The following CNTN5 variants were observed in gnomAD, a reference collection of about 807,000 sequenced individuals.
CNTN5 encodes contactin 5.
In CNTN5, 77 loss-of-function variants were observed where a neutral mutation model predicts 129.1. The ratio of observed to expected loss-of-function variants is 0.60; its 90% CI spans 0.50 to 0.72. The LOEUF (loss-of-function observed/expected upper bound fraction) is 0.72, where lower values mean the gene tolerates loss of function less well. Ranked by LOEUF, CNTN5 falls within the 30% of genes least tolerant of loss-of-function variation. CNTN5 has a pLI of 0.00. For synonymous variants in CNTN5, 509 were observed against 465.6 expected, an observed-to-expected ratio of 1.09 and a Z score of -1.20; for missense variants, 1,478 against 1,328.8, an observed-to-expected ratio of 1.11 and a Z score of -1.75.
At position 99,279,990 on chromosome 11, in the gene CNTN5, C is replaced by A. The variant is rs188996854; in HGVS notation, c.-209-45356C>A. Among the ~76,000 whole-genome samples the A allele has an allele frequency of 3.6e-3, 535 of 150,202 alleles. 2 individuals carry two copies. The highest frequency in any genetic ancestry group is 6.3e-3 in the Non-Finnish European group (424 of 67,506). The stretch of plus-strand genomic sequence containing the variant: ...GCATAATATATCTGTTCTTTACAAT[C>A]GACTCAGAAAAAGAAAAAAAATCAG... On this transcript the variant is annotated intron_variant, in intron 1 of 24. Transcript: ENST00000524871.
chr11:99,260,369 T>G (rs989827398), intron 1 of CNTN5, among the ~76,000 whole-genome samples: 1 of 151,772 alleles, frequency 6.6e-6, no homozygotes, highest in Non-Finnish European at 1.5e-5. Flanking sequence ...TCATTAAAGA[T>G]TTAGAACTTT....
At chr11:99,909,013 A>G (rs765237969) in intron 6 of CNTN5, among the ~76,000 whole-genome samples, 1 of 152,074 alleles carries the variant, frequency 6.6e-6, no homozygotes, top group African/African-American at 2.4e-5. Flanking sequence ...TTTCATTACA[A>G]TTTGTCATTA....
chr11:99,090,736 A>C (rs1866207769), intron 1 of CNTN5, among the ~76,000 whole-genome samples: 1 of 151,370 alleles, frequency 6.6e-6, no homozygotes, highest in South Asian at 2.1e-4. Context: ...AAAAAAAAAA[A>C]AAACGGCCGG....
chr11:99,606,492 G>T (rs1369775898), intron 3 of CNTN5, among the ~76,000 whole-genome samples: 3 of 143,830 alleles, frequency 2.1e-5, no homozygotes, highest in Non-Finnish European at 3.1e-5. Flanking sequence ...TGGGTAGGAA[G>T]AATCAATATC....
At chr11:99,961,577 A>C (rs956125726) in intron 8 of CNTN5, among the ~76,000 whole-genome samples, 3 of 152,234 alleles carry the variant, frequency 2.0e-5, no homozygotes, top group Non-Finnish European at 4.4e-5. Flanking sequence ...AGCACTAAGA[A>C]GGGATGTAAG....
chr11:99,544,627 T>C (rs1483365168), intron 2 of CNTN5, among the ~76,000 whole-genome samples: 2 of 152,324 alleles, frequency 1.3e-5, no homozygotes, highest in African/African-American at 4.8e-5. Context: ...GAAATTATAG[T>C]GACTCTACTG....
chr11:99,629,992 G>C (rs1300053559), intron 3 of CNTN5, among the ~76,000 whole-genome samples: 1 of 151,550 alleles, frequency 6.6e-6, no homozygotes, highest in Non-Finnish European at 1.5e-5. Context: ...TTTAATTGAA[G>C]TGAATTGATG....
chr11:100,228,414 C>T (rs1174516178), intron 16 of CNTN5, among the ~76,000 whole-genome samples: 1 of 152,122 alleles, frequency 6.6e-6, no homozygotes, highest in Non-Finnish European at 1.5e-5. Flanking sequence ...TGAACCCCAC[C>T]CTATCACTTC....
intron 2 of CNTN5, among the ~76,000 whole-genome samples, chr11:99,537,096 G>A (rs1165083734): frequency 1.3e-5 from 2 of 152,166 alleles, no homozygotes; most frequent in South Asian, 2.1e-4. Context: ...CTCAGACTTA[G>A]AGATTTTAAA....
intron 6 of CNTN5, among the ~76,000 whole-genome samples, chr11:99,848,780 G>A (rs1444729872): frequency 6.6e-6 from 1 of 152,046 alleles, no homozygotes; most frequent in East Asian, 1.9e-4. Flanking sequence ...TGCTGGGCTA[G>A]TGCTATCAGG....
chr11:99,650,297 T>TCC (rs1952105700), intron 3 of CNTN5, among the ~76,000 whole-genome samples: 1 of 151,886 alleles, frequency 6.6e-6, no homozygotes, highest in African/African-American at 2.4e-5. Flanking sequence ...GCAAATCTAA[T>TCC]GGGGAGTCAG....
chr11:99,845,295 G>T, intron 6 of CNTN5, 33 bp downstream of exon 6: 2 of 1,222,174 alleles, frequency 1.6e-6, no homozygotes, highest in Non-Finnish European at 1.1e-6. Flanking sequence ...CTATATATAT[G>T]TATATAGTGT....
At chr11:99,321,075 G>T (rs1865549863) in intron 1 of CNTN5, among the ~76,000 whole-genome samples, 1 of 151,952 alleles carries the variant, frequency 6.6e-6, no homozygotes, top group Non-Finnish European at 1.5e-5. Flanking sequence ...GTCAGCTTTT[G>T]CTGTGTTTTG....
At chr11:99,850,012 C>T (rs10894005) in intron 6 of CNTN5, among the ~76,000 whole-genome samples, 1 of 151,754 alleles carries the variant, frequency 6.6e-6, no homozygotes, top group Admixed American at 6.6e-5. Flanking sequence ...ACCTATGTAA[C>T]AAAAATTAAT....
Position 99,832,794 on chromosome 11 carries a change from C to T in CNTN5, c.278-12058C>T, listed in dbSNP as rs553692284. On this transcript the variant is annotated intron_variant, in intron 4 of 24. Coordinates refer to ENST00000524871, the MANE Select transcript of CNTN5 (RefSeq NM_014361.4). ...TGGCATTTCTTAAAATTTTATTGGG[C>T]ATGATAGGCTGCTATTTCCTTTATA... Among the ~76,000 whole-genome samples the T allele has an allele frequency of 4.6e-5, 7 of 152,204 alleles. No individual in the cohort carries two copies. The East Asian group carries it at 1.3e-3, about 29-fold the overall frequency.
intron 3 of CNTN5, among the ~76,000 whole-genome samples, chr11:99,817,466 C>T (rs370237313): frequency 1.1e-3 from 169 of 152,254 alleles, no homozygotes; most frequent in African/African-American, 3.9e-3. Context: ...CAATGATGTT[C>T]CTGGCCTTTT....
intron 2 of CNTN5, among the ~76,000 whole-genome samples, chr11:99,528,249 T>C (rs552800594): frequency 1.3e-5 from 2 of 152,146 alleles, no homozygotes; most frequent in South Asian, 2.1e-4. Context: ...AGCACAACAA[T>C]ACTTCCTAGG....
intron 2 of CNTN5, among the ~76,000 whole-genome samples, chr11:99,386,554 G>T (rs1242144959): frequency 1.3e-5 from 2 of 152,110 alleles, no homozygotes; most frequent in Non-Finnish European, 2.9e-5. Flanking sequence ...TGGTTTCGGT[G>T]GGTTTTAGCC....
At chr11:99,892,730 C>T (rs541837295) in intron 6 of CNTN5, among the ~76,000 whole-genome samples, 25 of 152,144 alleles carry the variant, frequency 1.6e-4, no homozygotes, top group African/African-American at 5.3e-4. Context: ...GTTACTGTAG[C>T]CTTGTAGTAT....
Sources: gnomAD v4.1 joint callset for allele counts (sites outside exome capture counted in the v4.1 genomes callset) on GRCh38, gnomAD v4.1.1 for gene constraint, MANE v1.5 for transcripts, NCBI Gene and HGNC (gene_info 2026-07-23, HGNC 2026-07-21) for gene names.